PTPRF: variants seen among roughly 807,000 people sequenced by gnomAD.
PTPRF encodes protein tyrosine phosphatase receptor type F.
In PTPRF, 59 loss-of-function variants were observed where a neutral mutation model predicts 201.8. The observed-to-expected ratio is 0.29, with a 90% confidence interval of 0.24 to 0.36. The LOEUF is 0.36. Among genes scored for constraint, PTPRF ranks in the 10% least tolerant of loss-of-function variants. The probability of loss-of-function intolerance (pLI) is 1.00; values close to 1 mark genes in which losing one functional copy is unlikely to be tolerated. For synonymous variants in PTPRF, 1,088 were observed against 1,089.7 expected (o/e 1.00, Z 0.03); for missense variants, 2,132 against 2,690.5 (o/e 0.79, Z 4.59).
intron 6 of PTPRF, among the ~76,000 whole-genome samples, chr1:43,571,147 A>G (rs1013350794): frequency 5.9e-5 from 9 of 152,024 alleles, no homozygotes; most frequent in African/African-American, 1.9e-4. Flanking sequence ...ACTCCACTGG[A>G]TGCCACTCAG....
At chr1:43,568,451 T>C (rs932378316) in intron 5 of PTPRF, among the ~76,000 whole-genome samples, 6 of 152,190 alleles carry the variant, frequency 3.9e-5, no homozygotes, top group Non-Finnish European at 7.3e-5. Context: ...TAATATTCAC[T>C]GGGAGTGAAT....
chr1:43,536,262 TG>T lies in PTPRF; in HGVS notation c.-125-1934del, dbSNP rs563994184. Among the ~76,000 whole-genome samples the T allele has an allele frequency of 2.4e-3, 373 of 152,246 alleles. 1 individual carries two copies. Among genetic ancestry groups the T allele is most frequent in the African/African-American group, 8.6e-3 (359 of 41,542 alleles). On this transcript the variant is annotated intron_variant, in intron 1 of 33. Transcript: ENST00000359947. Reference sequence around the variant, plus strand: ...CAGTTGGTGAATCTGAGTCTTTATTTGGTTGCCTGATAGGTTGTTTTGAGGT... The same window carrying T: ...CAGTTGGTGAATCTGAGTCTTTATTTGTTGCCTGATAGGTTGTTTTGAGGT...
chr1:43,562,257 C>CCT (rs1645857863), intron 5 of PTPRF, among the ~76,000 whole-genome samples: 1 of 152,030 alleles, frequency 6.6e-6, no homozygotes, highest in Non-Finnish European at 1.5e-5. Context: ...TACAGGCACG[C>CCT]GCCACCACAC....
chr1:43,582,414 CCTT>C (rs1647927497), intron 7 of PTPRF: 1 of 152,236 alleles, frequency 6.6e-6, no homozygotes, highest in South Asian at 2.1e-4. Context: ...GAGCCTTTCT[CCTT>C]CACCACCTGA....
chr1:43,545,968 A>C (rs1023181436), intron 3 of PTPRF, among the ~76,000 whole-genome samples: 2 of 152,154 alleles, frequency 1.3e-5, no homozygotes, highest in South Asian at 4.1e-4. Context: ...GGCGGGGCAC[A>C]GGGCAGATTT....
At chr1:43,545,434 A>C (rs757004145) in intron 3 of PTPRF, among the ~76,000 whole-genome samples, 1 of 152,036 alleles carries the variant, frequency 6.6e-6, no homozygotes, top group Non-Finnish European at 1.5e-5. Flanking sequence ...TCCTGGATTC[A>C]TGTGGTCATT....
intron 3 of PTPRF, among the ~76,000 whole-genome samples, chr1:43,548,675 G>T (rs1396054302): frequency 4.6e-5 from 7 of 152,094 alleles, no homozygotes; most frequent in Non-Finnish European, 2.9e-5. Flanking sequence ...TCTGTCCCTG[G>T]GAACCAGGCT....
Position 43,591,533 on chromosome 1 carries a change from A to G in PTPRF, c.1511A>G (p.Gln504Arg), listed in dbSNP as rs1427684895. 1.9e-6 allele frequency: 3 copies of G among 1,588,224 alleles called. No individual in the cohort carries two copies. Among genetic ancestry groups the G allele is most frequent in the Non-Finnish European group, 2.6e-6 (3 of 1,166,846 alleles). ...GATGGCCCTCCCAGCCCCACCATCC[A>G]GGTCAAGACGCAGCAGGGAGGTAGG... is the stretch of plus-strand genomic sequence containing the variant. ...VGDGPPSPTI[Q>R]VKTQQGVPAQ... Residue 504 changes from glutamine to arginine, a missense_variant, in exon 9 of 34, where the codon CAG (glutamine) becomes CGG (arginine). Coordinates refer to ENST00000359947, the MANE Select transcript of PTPRF (RefSeq NM_002840.5).
At position 43,531,140 on chromosome 1, in the gene PTPRF, C is replaced by G. The variant is rs867995762; in HGVS notation, c.-126+50C>G. The G allele has an allele frequency of 3.3e-5, 5 of 150,334 alleles. No homozygotes were observed. In the East Asian group the frequency reaches 1.0e-3, roughly 30 times the overall value. The allele number at this position is 150,334 out of a possible 1,614,324, so 9.3% of individuals were successfully genotyped here. A position where few individuals can be genotyped will look rare whatever the true frequency, so the allele number is the denominator to read the frequency against. On this transcript the variant is annotated intron_variant, in intron 1 of 33. Transcript: ENST00000359947. ...CAGCCCCCTCCGCTCCCGTCCCTTC[C>G]CCGCTCTCCTTGCCCTCCCCGCTAG...
At chr1:43,580,330 T>C (rs762632913) in intron 7 of PTPRF, among the ~76,000 whole-genome samples, 1 of 152,220 alleles carries the variant, frequency 6.6e-6, no homozygotes, top group Non-Finnish European at 1.5e-5. Flanking sequence ...AAGGAGTTGC[T>C]GTCTGTCATG....
rs1553196047 is a variant in PTPRF, at chr1:43,591,392, GC to G, written c.1376del (p.Pro459ArgfsTer101). The G allele has an allele frequency of 1.3e-6, 2 of 1,562,496 alleles. No individual in the cohort carries two copies. Among genetic ancestry groups the G allele is most frequent in the Non-Finnish European group, 8.7e-7 (1 of 1,154,962 alleles). ...GTCTACTATACTCCGGACTCCCGCC[GC>G]CCCCCGAACGCCTGGCACAAGCACA... Reference protein sequence around the residue: ...YRVYYTPDSRRPPNAWHKHNT... With the variant: ...YRVYYTPDSRXPPNAWHKHNT... On this transcript the variant is annotated frameshift_variant, in exon 9 of 34. Transcript: ENST00000359947. LOFTEE classifies it high-confidence loss of function.
Position 43,588,737 on chromosome 1 carries a change from G to T in PTPRF, c.686G>T (p.Arg229Leu). The part of the protein sequence containing the change: ...APANLYVRVR[R>L]VAPRFSIPPS... ...TCTCTCCCTCCTCCTGCAGTGCGCC[G>T]CGTGGCTCCTCGTTTCTCCATCCCT... The change falls in exon 8 of 34, where the codon CGC becomes CTC. Residue 229 changes from arginine (R) to leucine (L), a missense_variant. Physicochemically the swap from Arg to Leu is moderately radical, Grantham distance 102 (BLOSUM62 -2). Around this residue, in one of 6 missense-constraint regions of PTPRF, gnomAD observed 297 missense variants for 454.0 expected, o/e 0.65. Coordinates refer to ENST00000359947, the MANE Select transcript of PTPRF (RefSeq NM_002840.5). The surrounding 1 kb of genome is among the most constrained non-coding windows in gnomAD (Gnocchi z 5.3). The T allele has an allele frequency of 6.2e-7, 1 of 1,613,050 alleles. No homozygotes were observed. Among genetic ancestry groups the T allele is most frequent in the Non-Finnish European group, 8.5e-7 (1 of 1,179,942 alleles).
chr1:43,623,340 A>C lies in PTPRF; in HGVS notation c.*1337A>C, dbSNP rs1659542860. On this transcript the variant is annotated 3_prime_UTR_variant, in exon 34 of 34. Coordinates refer to ENST00000359947, the MANE Select transcript of PTPRF (RefSeq NM_002840.5). ...ATCAATGGTACTCTAATCAGTCCTT[A>C]TTATCCCAGCTTGCTGAGGGGCAGG... 1 of 152,642 alleles carries C rather than the reference A, an allele frequency of 6.6e-6. No individual in the cohort carries two copies. The highest frequency in any genetic ancestry group is 1.5e-5 in the Non-Finnish European group (1 of 68,064). 9.5% of individuals were successfully genotyped at this position (152,642 alleles called of 1,614,324 possible).
upstream of PTPRF, among the ~76,000 whole-genome samples, chr1:43,523,144 TCAGA>T (rs1026539173): frequency 1.1e-4 from 16 of 152,134 alleles, no homozygotes; most frequent in Admixed American, 9.2e-4. Context: ...GGCCACTGAC[TCAGA>T]CAGAGAACTC....
intron 23 of PTPRF, among the ~76,000 whole-genome samples, chr1:43,613,951 A>G (rs1432950018): frequency 6.6e-6 from 1 of 152,178 alleles, no homozygotes; most frequent in East Asian, 1.9e-4. Flanking sequence ...AGATGGTTTC[A>G]AAAGGCTGTG....
At chr1:43,602,209 C>G in intron 14 of PTPRF, 112 bp downstream of exon 14, 2 of 1,323,190 alleles carry the variant, frequency 1.5e-6, no homozygotes, top group Admixed American at 1.8e-5. Flanking sequence ...CCACAGGGCT[C>G]TAGCCACATC....
intron 7 of PTPRF, among the ~76,000 whole-genome samples, chr1:43,581,767 C>A (rs1419138518): frequency 3.9e-5 from 6 of 152,222 alleles, no homozygotes; most frequent in Non-Finnish European, 8.8e-5. Context: ...GTCCCATCTC[C>A]CAGCAGAGAG....
At chr1:43,527,624 G>C (rs974403044), upstream of PTPRF, among the ~76,000 whole-genome samples, 41 of 152,366 alleles carry the variant, frequency 2.7e-4, no homozygotes, top group African/African-American at 9.6e-4. Flanking sequence ...GCAAGAGACT[G>C]GTTGGCACAG....
chr1:43,530,636 A>C (rs1643350740), upstream of PTPRF, among the ~76,000 whole-genome samples: 1 of 152,170 alleles, frequency 6.6e-6, no homozygotes, highest in South Asian at 2.1e-4. The surrounding 1 kb of genome is among the most constrained non-coding windows in gnomAD (Gnocchi z 4.1). Flanking sequence ...GGGAGCCACT[A>C]GAAGGATCTG....
Sources: gnomAD v4.1 joint callset for allele counts (sites outside exome capture counted in the v4.1 genomes callset) on GRCh38, gnomAD v4.1.1 for gene constraint, gnomAD v4.1.1 regional missense constraint, Gnocchi (gnomAD v3.1) non-coding constraint, MANE v1.5 for transcripts, NCBI Gene and HGNC (gene_info 2026-07-23, HGNC 2026-07-21) for gene names.